IGSF11: variants seen among roughly 807,000 people sequenced by gnomAD.
The protein encoded by IGSF11 is immunoglobulin superfamily member 11, also known as CXADR like 1.
A neutral mutation model predicts 41.0 loss-of-function variants in IGSF11; 22 were observed. The observed-to-expected ratio is 0.54, with a 90% confidence interval of 0.38 to 0.77. The LOEUF (loss-of-function observed/expected upper bound fraction) is 0.77, where lower values mean the gene tolerates loss of function less well. IGSF11 is among the 30% of genes least tolerant of loss of function. IGSF11 has a pLI of 0.00. For synonymous variants in IGSF11, 219 were observed against 201.3 expected (o/e 1.09, Z -0.74); for missense variants, 444 against 530.8 (o/e 0.84, Z 1.61).
chr3:119,132,621 T>C (rs938685783), intron 1 of IGSF11, among the ~76,000 whole-genome samples: 1 of 152,126 alleles, frequency 6.6e-6, no homozygotes, highest in African/African-American at 2.4e-5. Flanking sequence ...ATAATAATAA[T>C]GGGAGACTTT....
At chr3:119,115,629 C>T (rs1424366369) in intron 1 of IGSF11, among the ~76,000 whole-genome samples, 3 of 152,012 alleles carry the variant, frequency 2.0e-5, no homozygotes, top group Non-Finnish European at 4.4e-5. Flanking sequence ...TGTTTGGGTC[C>T]CTTATATAAT....
chr3:119,078,225 A>G (rs947837079), intron 1 of IGSF11, among the ~76,000 whole-genome samples: 1 of 152,210 alleles, frequency 6.6e-6, no homozygotes, highest in African/African-American at 2.4e-5. Context: ...TCAAAGAAAA[A>G]GAACAAACCC....
intron 1 of IGSF11, among the ~76,000 whole-genome samples, chr3:119,126,029 C>A (rs964996370): frequency 2.6e-5 from 4 of 152,262 alleles, no homozygotes; most frequent in African/African-American, 9.6e-5. Context: ...GGAGGGGCGA[C>A]CAGCACCGGC....
intron 1 of IGSF11, among the ~76,000 whole-genome samples, chr3:119,123,769 C>G (rs1268204259): frequency 6.6e-6 from 1 of 152,188 alleles, no homozygotes; most frequent in Non-Finnish European, 1.5e-5. Flanking sequence ...CAAGGTAGCA[C>G]CTCGATGACT....
intron 1 of IGSF11, among the ~76,000 whole-genome samples, chr3:119,049,763 A>G (rs1227112325): frequency 6.6e-6 from 1 of 151,882 alleles, no homozygotes; most frequent in South Asian, 2.1e-4. Context: ...ACAAGGCTAC[A>G]GTAACCAAAA....
Position 118,930,143 on chromosome 3 carries a change from G to C in IGSF11, c.185C>G (p.Thr62Ser). ...AGGTTGGTTGGCATTGGAGAGAGGA[G>C]TGACCATCCAAATGACATTGAGGTT... Reference protein sequence around the residue: ...LINLNVIWMVTPLSNANQPEQ... With the variant: ...LINLNVIWMVSPLSNANQPEQ... The change falls in exon 2 of 7, where the codon ACT becomes AGT. Residue 62 changes from threonine (T) to serine (S), a missense_variant. This residue lies in a region of IGSF11 where 193 missense variants were observed against 283.5 expected (regional missense o/e 0.68). Transcript: ENST00000393775. 6.2e-7 allele frequency: 1 copy of C among 1,613,778 alleles called. No individual in the cohort carries two copies. The highest frequency in any genetic ancestry group is 8.5e-7 in the Non-Finnish European group (1 of 1,179,862).
At position 119,079,975 on chromosome 3, in the gene IGSF11, C is replaced by T. The variant is rs188593211; in HGVS notation, c.49+25169G>A. On this transcript the variant is annotated intron_variant, in intron 1 of 6. Transcript: ENST00000354673. ...GTAATGAAATAATTTGTACACCAAA[C>T]CCCAGCAACATGCAATTTACCCATT... Among the ~76,000 whole-genome samples, 32 of 152,256 alleles carry T rather than the reference C, an allele frequency of 2.1e-4. No homozygotes were observed. The East Asian group carries it at 2.5e-3, about 12-fold the overall frequency.
intron 4 of IGSF11, among the ~76,000 whole-genome samples, chr3:118,913,944 A>C (rs35750512): frequency 2.6e-5 from 4 of 152,214 alleles, no homozygotes; most frequent in Non-Finnish European, 5.9e-5. Flanking sequence ...GGTCCAAAAA[A>C]TGGCTAATAG....
rs945459141 is a variant in IGSF11 at position 118,901,020 on chromosome 3, T to C, written c.*1500A>G. 6.6e-6 allele frequency: 1 copy of C among 152,556 alleles called. No individual in the cohort carries two copies. The highest frequency in any genetic ancestry group is 2.4e-5 in the African/African-American group (1 of 41,438). The allele number at this position is 152,556 out of a possible 1,614,324, so 9.5% of individuals were successfully genotyped here. ...TTGCAGGAGAAGAGAGCAAAAAGTATGGTGGTAAGAGGGAGTAAGAGAACA... is the reference window on the plus strand; with the variant it reads ...TTGCAGGAGAAGAGAGCAAAAAGTACGGTGGTAAGAGGGAGTAAGAGAACA... On this transcript the variant is annotated 3_prime_UTR_variant, in exon 7 of 7. Transcript: ENST00000393775.
At chr3:119,102,480 A>T (rs1307887424) in intron 1 of IGSF11, among the ~76,000 whole-genome samples, 1 of 152,208 alleles carries the variant, frequency 6.6e-6, no homozygotes, top group Non-Finnish European at 1.5e-5. Flanking sequence ...AGGAACAGTA[A>T]TTTTGTTTGA....
intron 1 of IGSF11, among the ~76,000 whole-genome samples, chr3:119,039,957 G>A (rs964319376): frequency 2.6e-5 from 4 of 152,130 alleles, no homozygotes; most frequent in African/African-American, 9.7e-5. Flanking sequence ...ACTAACTTTG[G>A]GAGAAACTTA....
intron 1 of IGSF11, among the ~76,000 whole-genome samples, chr3:119,130,698 G>C (rs1219161899): frequency 6.6e-6 from 1 of 151,920 alleles, no homozygotes; most frequent in Non-Finnish European, 1.5e-5. Flanking sequence ...GCTCTGAAGA[G>C]AGCAGTGATT....
At chr3:119,000,554 C>G (rs1421757755) in intron 1 of IGSF11, among the ~76,000 whole-genome samples, 1 of 149,950 alleles carries the variant, frequency 6.7e-6, no homozygotes, top group Non-Finnish European at 1.5e-5. Flanking sequence ...TGGCATGCAT[C>G]AGATCCACCA....
upstream of IGSF11, among the ~76,000 whole-genome samples, chr3:119,036,501 C>A (rs1311810944): frequency 6.6e-6 from 1 of 152,128 alleles, no homozygotes; most frequent in Non-Finnish European, 1.5e-5. Context: ...CTGAGAGCAA[C>A]TCTTCATGTC....
chr3:118,961,447 A>G (rs746494629), intron 1 of IGSF11, among the ~76,000 whole-genome samples: 3 of 152,240 alleles, frequency 2.0e-5, no homozygotes, highest in Non-Finnish European at 4.4e-5. Context: ...TATACCTCAA[A>G]AAAGCTATTT....
Position 118,950,255 on chromosome 3 carries a change from C to T in IGSF11, c.53-19980G>A, listed in dbSNP as rs149580346. ...CAATCCTATCCACTAACCTGAATAG[C>T]CCTAAGGGATCTGATCCGTTATATC... On this transcript the variant is annotated intron_variant, in intron 1 of 6. Transcript: ENST00000393775. 4.7e-3 allele frequency among the ~76,000 whole-genome samples: 712 copies of T among 152,230 alleles called. 4 individuals carry two copies. The highest frequency in any genetic ancestry group is 0.014 in the Middle Eastern group (4 of 294).
intron 1 of IGSF11, among the ~76,000 whole-genome samples, chr3:119,015,748 TAA>T (rs11320585): frequency 0.15 from 21,484 of 142,390 alleles, 1,564 homozygotes; most frequent in East Asian, 0.19. Context: ...GAATAAATGC[TAA>T]AAAAAAAAAA....
At chr3:119,026,843 A>C (rs1378043341) in intron 1 of IGSF11, among the ~76,000 whole-genome samples, 1 of 152,210 alleles carries the variant, frequency 6.6e-6, no homozygotes, top group Non-Finnish European at 1.5e-5. Flanking sequence ...CAACTCACAG[A>C]CTATGGTTAT....
Position 118,902,402 on chromosome 3 carries a change from G to GC in IGSF11, c.*117dup. ...GTAACAGCACTGCCTTCTTCTTTGT[G>GC]CATTTTACTAATATAATTATAAGGA... On this transcript the variant is annotated 3_prime_UTR_variant, in exon 7 of 7. Coordinates refer to ENST00000393775, the MANE Select transcript of IGSF11 (RefSeq NM_001015887.3). 1.3e-6 allele frequency: 1 copy of GC among 790,392 alleles called. No homozygotes were observed. The highest frequency in any genetic ancestry group is 2.0e-6 in the Non-Finnish European group (1 of 489,992). The allele number at this position is 790,392 out of a possible 1,614,324, so 49.0% of individuals were successfully genotyped here. A position where few individuals can be genotyped will look rare whatever the true frequency, so the allele number is the denominator to read the frequency against.
Sources: gnomAD v4.1 joint callset for allele counts (sites outside exome capture counted in the v4.1 genomes callset) on GRCh38, gnomAD v4.1.1 for gene constraint, gnomAD v4.1.1 regional missense constraint, MANE v1.5 for transcripts, NCBI Gene and HGNC (gene_info 2026-07-23, HGNC 2026-07-21) for gene names.